PRKD1: variants seen among roughly 807,000 people sequenced by gnomAD.
PRKD1 encodes the protein serine/threonine-protein kinase D1.
In PRKD1, 63 loss-of-function variants were observed where a neutral mutation model predicts 95.9. That is an observed-to-expected ratio of 0.66 (90% confidence interval 0.54 to 0.81). The LOEUF (loss-of-function observed/expected upper bound fraction) is 0.81. Among genes scored for constraint, PRKD1 ranks in the 30% least tolerant of loss-of-function variants. The pLI is 0.00. For missense variants in PRKD1, 1,048 were observed against 1,165.3 expected, an observed-to-expected ratio of 0.90 and a Z score of 1.47; for synonymous variants, 425 against 423.1, an observed-to-expected ratio of 1.00 and a Z score of -0.05.
At position 29,826,676 on chromosome 14, in the gene PRKD1, TATATATATACACACATATATATAC is replaced by T. The variant is rs1566622287; in HGVS notation, c.264+100549_264+100572del. 3.1e-3 allele frequency among the ~76,000 whole-genome samples: 226 copies of T among 71,828 alleles called. 20 individuals are homozygous for T. The highest frequency in any genetic ancestry group is 9.5e-3 in the African/African-American group (205 of 21,574). The allele number at this position is 71,828 out of a possible 152,430, so 47.1% of individuals were successfully genotyped here. ...ATGTGTGTGTGTGTATATATGTGTATATATATATACACACATATATATACATATATACACATATATATATACATA... is the reference window on the plus strand; with the variant it reads ...ATGTGTGTGTGTGTATATATGTGTATATATATACACATATATATATACATA... On this transcript the variant is annotated intron_variant, in intron 1 of 17. Transcript: ENST00000331968.
At chr14:29,596,998 A>C (rs192458633) in intron 16 of PRKD1, among the ~76,000 whole-genome samples, 4 of 152,288 alleles carry the variant, frequency 2.6e-5, no homozygotes, top group Admixed American at 6.5e-5. Context: ...AACATAGAGA[A>C]ATAACCTAAA....
chr14:29,846,781 G>C (rs1194908563), intron 1 of PRKD1, among the ~76,000 whole-genome samples: 1 of 152,172 alleles, frequency 6.6e-6, no homozygotes, highest in Non-Finnish European at 1.5e-5. Flanking sequence ...GCAAGGACAA[G>C]GAAGTGATAA....
At chr14:29,693,373 C>G (rs751152665) in intron 2 of PRKD1, among the ~76,000 whole-genome samples, 17 of 151,896 alleles carry the variant, frequency 1.1e-4, no homozygotes, top group Non-Finnish European at 2.1e-4. Flanking sequence ...TCTTATCAGT[C>G]CATTTATTTC....
chr14:29,771,327 A>C (rs1374975700), intron 1 of PRKD1, among the ~76,000 whole-genome samples: 2 of 152,162 alleles, frequency 1.3e-5, no homozygotes, highest in Non-Finnish European at 2.9e-5. Context: ...CAAGACCTGG[A>C]GAACAGAACT....
Position 29,715,472 on chromosome 14 carries a change from T to G in PRKD1, c.403+10064A>C, listed in dbSNP as rs117357005. Among the ~76,000 whole-genome samples, 1,483 of 152,252 alleles carry G rather than the reference T, an allele frequency of 9.7e-3. 7 individuals are homozygous for G. Among genetic ancestry groups the G allele is most frequent in the Non-Finnish European group, 0.013 (857 of 68,020 alleles). ...CGCATATGGTTAAAAGCTACCACAA[T>G]GAACTGTGCAGACCTAGATAAATGG... On this transcript the variant is annotated intron_variant, in intron 2 of 17. Coordinates refer to ENST00000331968, the MANE Select transcript of PRKD1 (RefSeq NM_002742.3).
At chr14:29,592,174 C>T (rs747330800) in intron 16 of PRKD1, among the ~76,000 whole-genome samples, 2 of 151,572 alleles carry the variant, frequency 1.3e-5, no homozygotes, top group Non-Finnish European at 2.9e-5. Flanking sequence ...TGATGGGTAG[C>T]GAGGGATATA....
chr14:29,634,396 C>T (rs1239879990), intron 8 of PRKD1, 22 bp downstream of exon 8: 2 of 1,613,812 alleles, frequency 1.2e-6, no homozygotes, highest in Admixed American at 1.7e-5. Context: ...GGCAAGAGAA[C>T]ATTGTTCCCT....
chr14:29,811,470 C>A (rs1890481477), intron 1 of PRKD1, among the ~76,000 whole-genome samples: 1 of 152,158 alleles, frequency 6.6e-6, no homozygotes, highest in Non-Finnish European at 1.5e-5. Context: ...CACTACAGTC[C>A]CTACATAAGG....
intron 4 of PRKD1, among the ~76,000 whole-genome samples, chr14:29,639,351 G>GA (rs1367303772): frequency 2.0e-5 from 3 of 152,106 alleles, no homozygotes; most frequent in Non-Finnish European, 4.4e-5. Flanking sequence ...GTACTTCATC[G>GA]AAAAAATGCT....
chr14:29,735,560 A>T (rs1293805167), intron 1 of PRKD1, among the ~76,000 whole-genome samples: 2 of 152,212 alleles, frequency 1.3e-5, no homozygotes, highest in Non-Finnish European at 2.9e-5. Context: ...TTCCCTGAAT[A>T]ACAGCTCAAC....
rs180852743 is a variant in PRKD1, at chr14:29,718,687, T to C, written c.403+6849A>G. On this transcript the variant is annotated intron_variant, in intron 2 of 17. Coordinates refer to ENST00000331968, the MANE Select transcript of PRKD1 (RefSeq NM_002742.3). ...AAATTGCAACTGAAGTTAGAGAAGA[T>C]TTGGCTCCATTCAGCCTGTGACACT... is the stretch of plus-strand genomic sequence containing the variant. 2.4e-3 allele frequency among the ~76,000 whole-genome samples: 359 copies of C among 152,258 alleles called. 3 individuals carry two copies. Among genetic ancestry groups the C allele is most frequent in the Admixed American group, 4.4e-3 (67 of 15,274 alleles).
At chr14:29,617,057 T>C (rs974204101) in intron 13 of PRKD1, among the ~76,000 whole-genome samples, 1 of 152,190 alleles carries the variant, frequency 6.6e-6, no homozygotes, top group African/African-American at 2.4e-5. Flanking sequence ...TGCAGTATTT[T>C]GTTTCCTGTT....
intron 1 of PRKD1, among the ~76,000 whole-genome samples, chr14:29,736,433 A>G (rs1886716678): frequency 6.6e-6 from 1 of 152,216 alleles, no homozygotes; most frequent in African/African-American, 2.4e-5. Flanking sequence ...CACTCAGAGA[A>G]CAACATTCCC....
intron 1 of PRKD1, among the ~76,000 whole-genome samples, chr14:29,867,272 T>C (rs554548948): frequency 6.6e-6 from 1 of 151,916 alleles, no homozygotes; most frequent in South Asian, 2.1e-4. Flanking sequence ...CAAAAGAGAG[T>C]TGCAGGGAAG....
chr14:29,916,047 T>C lies in PRKD1; in HGVS notation c.264+11202A>G, dbSNP rs529332090. ...AAAGTAAATGTCAGGAAGGTTTTGT[T>C]CCTGGAGGCTCCCCTCTGCTGGCCA... On this transcript the variant is annotated intron_variant, in intron 1 of 17. Transcript: ENST00000331968. Among the ~76,000 whole-genome samples, 71 of 152,300 alleles carry C rather than the reference T, an allele frequency of 4.7e-4. No homozygotes were observed. In the South Asian group the frequency reaches 0.014, roughly 31 times the overall value.
intron 2 of PRKD1, among the ~76,000 whole-genome samples, chr14:29,669,412 T>G (rs569724990): frequency 2.0e-5 from 3 of 152,318 alleles, no homozygotes; most frequent in Non-Finnish European, 2.9e-5. Context: ...AAGCAAAACA[T>G]TTTGAAGTTT....
chr14:29,884,527 T>A (rs780101644), intron 1 of PRKD1, among the ~76,000 whole-genome samples: 10 of 152,304 alleles, frequency 6.6e-5, no homozygotes, highest in South Asian at 4.1e-4. Flanking sequence ...AAGATGATTT[T>A]CCATGTGTAA....
In PRKD1 at chr14:29,707,567, C is replaced by A. The variant is rs1486354156; in HGVS notation, c.403+17969G>T. On this transcript the variant is annotated intron_variant, in intron 2 of 17. Coordinates refer to ENST00000331968, the MANE Select transcript of PRKD1 (RefSeq NM_002742.3). The stretch of plus-strand genomic sequence containing the variant: ...GTGGGGAAGAAACATAAATAATAGC[C>A]AAATAGATAATTTATGATATATATC... Among the ~76,000 whole-genome samples, 3 of 152,074 alleles carry A rather than the reference C, an allele frequency of 2.0e-5. No individual in the cohort carries two copies. The East Asian group carries it at 5.8e-4, about 29-fold the overall frequency.
intron 1 of PRKD1, among the ~76,000 whole-genome samples, chr14:29,902,617 G>C (rs985047241): frequency 6.6e-6 from 1 of 152,186 alleles, no homozygotes; most frequent in Non-Finnish European, 1.5e-5. Context: ...GCTCAGTATG[G>C]AGCCTTGCTT....
Sources: gnomAD v4.1 joint callset for allele counts (sites outside exome capture counted in the v4.1 genomes callset) on GRCh38, gnomAD v4.1.1 for gene constraint, MANE v1.5 for transcripts, NCBI Gene and HGNC (gene_info 2026-07-23, HGNC 2026-07-21) for gene names.